Variants in DOCK3 observed in about 807,000 individuals in gnomAD.
The protein encoded by DOCK3 is dedicator of cytokinesis protein 3.
In DOCK3, 60 loss-of-function variants were observed where a neutral mutation model predicts 265.6. That is an observed-to-expected ratio of 0.23 (90% CI 0.18 to 0.28). The LOEUF is 0.28. DOCK3 is among the 10% of genes least tolerant of loss of function. The pLI, the probability that DOCK3 is intolerant of heterozygous loss-of-function variation, is 1.00. For missense variants in DOCK3, 1,981 were observed against 2,594.3 expected, an observed-to-expected ratio of 0.76 and a Z score of 5.14; for synonymous variants, 881 against 938.0, an observed-to-expected ratio of 0.94 and a Z score of 1.11.
At chr3:51,210,554 C>A (rs945788323) in intron 13 of DOCK3, among the ~76,000 whole-genome samples, 1 of 152,148 alleles carries the variant, frequency 6.6e-6, no homozygotes, top group African/African-American at 2.4e-5. Context: ...AGGATAGAAC[C>A]CAGGTCTCCA....
At chr3:50,940,095 A>G (rs1002899747) in intron 5 of DOCK3, among the ~76,000 whole-genome samples, 1 of 152,202 alleles carries the variant, frequency 6.6e-6, no homozygotes, top group Non-Finnish European at 1.5e-5. Context: ...ACACATTCAT[A>G]TTTCCACAAA....
chr3:50,924,081 A>G (rs1049412130), intron 4 of DOCK3, among the ~76,000 whole-genome samples: 2 of 152,190 alleles, frequency 1.3e-5, no homozygotes, highest in Non-Finnish European at 2.9e-5. Flanking sequence ...CTCAGCTTCA[A>G]TATAATTGAA....
At chr3:50,830,106 G>A (rs944978375) in intron 2 of DOCK3, among the ~76,000 whole-genome samples, 7 of 152,118 alleles carry the variant, frequency 4.6e-5, no homozygotes, top group African/African-American at 1.4e-4. Context: ...ATTTTTACAA[G>A]TGATTGGCAC....
At chr3:51,312,212 A>G in intron 29 of DOCK3, 133 bp downstream of exon 29, 1 of 835,866 alleles carries the variant, frequency 1.2e-6, no homozygotes, top group Non-Finnish European at 1.9e-6. Flanking sequence ...TGATTAGAAT[A>G]TGACCTGGGA....
At chr3:51,332,311 A>C (rs371967191) in intron 33 of DOCK3, among the ~76,000 whole-genome samples, 28 of 152,378 alleles carry the variant, frequency 1.8e-4, no homozygotes, top group South Asian at 8.3e-4. Flanking sequence ...GTGCGATGGC[A>C]GAGGATCTCA....
At position 51,335,730 on chromosome 3, in the gene DOCK3, G is replaced by A. The variant is rs114087893; in HGVS notation, c.3611+2477G>A. Among the ~76,000 whole-genome samples, 453 of 152,342 alleles carry A rather than the reference G, an allele frequency of 3.0e-3. 3 individuals carry two copies. The highest frequency in any genetic ancestry group is 0.01 in the African/African-American group (431 of 41,570). ...TTGTTGGCCAGGCACAGTGGCACAA[G>A]CCTGTAATCCCAGCACTGTGGGAGA... On this transcript the variant is annotated intron_variant, in intron 35 of 52. Transcript: ENST00000266037.
chr3:50,951,448 G>A (rs1050789044), intron 5 of DOCK3, among the ~76,000 whole-genome samples: 2 of 152,040 alleles, frequency 1.3e-5, no homozygotes, highest in African/African-American at 2.4e-5. Flanking sequence ...TTTTCCATAT[G>A]AGTTCTTTAT....
At chr3:51,032,707 A>C (rs1226494547) in intron 5 of DOCK3, among the ~76,000 whole-genome samples, 3 of 152,146 alleles carry the variant, frequency 2.0e-5, no homozygotes, top group Admixed American at 1.3e-4. Context: ...CAGGAGTTTA[A>C]GACCAGCATA....
chr3:51,002,944 T>G (rs1421737993), intron 5 of DOCK3, among the ~76,000 whole-genome samples: 1 of 152,194 alleles, frequency 6.6e-6, no homozygotes, highest in African/African-American at 2.4e-5. Context: ...TTTAAATGAT[T>G]ATTATTCATT....
At chr3:51,171,534 G>A (rs1163099310) in intron 12 of DOCK3, among the ~76,000 whole-genome samples, 1 of 151,994 alleles carries the variant, frequency 6.6e-6, no homozygotes, top group Admixed American at 6.6e-5. Flanking sequence ...GGCTAACACG[G>A]TGAAATCCCG....
At chr3:50,683,545 A>G (rs539967506) in intron 1 of DOCK3, among the ~76,000 whole-genome samples, 8 of 152,178 alleles carry the variant, frequency 5.3e-5, no homozygotes, top group South Asian at 2.1e-4. Flanking sequence ...TGAACATTTT[A>G]TGATAGTGCC....
chr3:50,970,727 C>CT (rs140767114), intron 5 of DOCK3, among the ~76,000 whole-genome samples: 19,576 of 129,550 alleles, frequency 0.15, 1,758 homozygotes, highest in Non-Finnish European at 0.21. Flanking sequence ...CTCATTGAGC[C>CT]TTTTTTTTTT....
intron 5 of DOCK3, among the ~76,000 whole-genome samples, chr3:51,016,998 A>T (rs2079372917): frequency 7.2e-6 from 1 of 138,452 alleles, no homozygotes. Flanking sequence ...TTAGTAGTAA[A>T]ACCATTGAGT....
At chr3:51,367,630 G>A (rs563670186) in intron 49 of DOCK3, among the ~76,000 whole-genome samples, 22 of 152,312 alleles carry the variant, frequency 1.4e-4, no homozygotes, top group African/African-American at 3.4e-4. Context: ...GGCTGGTACC[G>A]GTTGTTCCTT....
At chr3:51,349,203 AG>A (rs1381699185) in intron 39 of DOCK3, among the ~76,000 whole-genome samples, 3 of 152,180 alleles carry the variant, frequency 2.0e-5, no homozygotes, top group African/African-American at 7.2e-5. Flanking sequence ...GGTTTCAAGA[AG>A]GAGGTGGCAG....
chr3:50,893,531 G>A (rs72937251), intron 4 of DOCK3, among the ~76,000 whole-genome samples: 13,465 of 151,952 alleles, frequency 0.089, 1,231 homozygotes, highest in East Asian at 0.33. Flanking sequence ...ATAGAGGAGC[G>A]AGTCAACTTG....
chr3:51,215,297 G>C (rs2089722019), intron 14 of DOCK3, among the ~76,000 whole-genome samples: 2 of 151,988 alleles, frequency 1.3e-5, no homozygotes, highest in African/African-American at 4.8e-5. Context: ...TTGTAGAGAC[G>C]GTTTCACCAT....
At chr3:51,292,678 TA>T (rs1295106482) in intron 27 of DOCK3, among the ~76,000 whole-genome samples, 2 of 152,144 alleles carry the variant, frequency 1.3e-5, no homozygotes, top group Non-Finnish European at 2.9e-5. Context: ...ACTTAGGGGT[TA>T]AAAAATTTTT....
At chr3:50,737,654 A>C (rs2038728099) in intron 1 of DOCK3, among the ~76,000 whole-genome samples, 1 of 152,026 alleles carries the variant, frequency 6.6e-6, no homozygotes, top group African/African-American at 2.4e-5. Flanking sequence ...GTAATTTCAA[A>C]TGACCTTTGA....
Sources: allele counts gnomAD v4.1 joint callset (sites outside exome capture counted in the v4.1 genomes callset), GRCh38; gene constraint gnomAD v4.1.1; transcripts MANE v1.5; gene names NCBI Gene and HGNC (gene_info 2026-07-23, HGNC 2026-07-21).